Variants in CARMIL1 observed in about 807,000 individuals in gnomAD.
CARMIL1 encodes the protein F-actin-uncapping protein LRRC16A.
In CARMIL1, 90 loss-of-function variants were observed where a neutral mutation model predicts 177.1. The observed-to-expected ratio is 0.51, with a 90% CI of 0.43 to 0.61. The LOEUF is 0.61. Among genes scored for constraint, CARMIL1 ranks in the 20% least tolerant of loss-of-function variants. CARMIL1 has a pLI of 0.00. For missense variants in CARMIL1, 1,380 were observed against 1,667.0 expected (o/e 0.83, Z 3.00); for synonymous variants, 577 against 606.2 (o/e 0.95, Z 0.71).
chr6:25,589,681 C>G (rs1814117933), intron 31 of CARMIL1, among the ~76,000 whole-genome samples: 1 of 152,060 alleles, frequency 6.6e-6, no homozygotes, highest in Non-Finnish European at 1.5e-5. Flanking sequence ...AGAGACAGGG[C>G]TTTGCCATGT....
intron 2 of CARMIL1, among the ~76,000 whole-genome samples, chr6:25,317,207 T>C (rs578007810): frequency 6.6e-5 from 10 of 152,318 alleles, no homozygotes; most frequent in African/African-American, 2.4e-4. Flanking sequence ...TATGGCTTAC[T>C]GCAGCCTTGA....
chr6:25,561,031 T>A (rs1010015944), intron 29 of CARMIL1, among the ~76,000 whole-genome samples: 2 of 152,230 alleles, frequency 1.3e-5, no homozygotes, highest in Non-Finnish European at 2.9e-5. Context: ...AGTTTTCCTA[T>A]ATGCTTCTTA....
chr6:25,324,490 T>A (rs958159993), intron 2 of CARMIL1, among the ~76,000 whole-genome samples: 2 of 152,180 alleles, frequency 1.3e-5, no homozygotes, highest in African/African-American at 4.8e-5. Flanking sequence ...AGCAAATTTT[T>A]ACAGAATGCT....
intron 9 of CARMIL1, among the ~76,000 whole-genome samples, chr6:25,466,848 A>G (rs536656586): frequency 1.7e-4 from 26 of 152,342 alleles, no homozygotes; most frequent in East Asian, 9.6e-4. Flanking sequence ...TTAAGAGCCA[A>G]TATGGTAGAG....
intron 5 of CARMIL1, among the ~76,000 whole-genome samples, chr6:25,436,672 C>A (rs988415342): frequency 3.3e-5 from 5 of 152,218 alleles, no homozygotes; most frequent in African/African-American, 1.2e-4. Context: ...AGGGCTCTCT[C>A]CCTTCCCCCC....
intron 36 of CARMIL1, among the ~76,000 whole-genome samples, chr6:25,614,382 G>A (rs1816739212): frequency 6.6e-6 from 1 of 152,164 alleles, no homozygotes; most frequent in South Asian, 2.1e-4. Flanking sequence ...CTTTTATAGA[G>A]TATCCTATGT....
chr6:25,515,960 T>C lies in CARMIL1; in HGVS notation c.1805+113T>C. 1 of 1,037,272 alleles carries C rather than the reference T, an allele frequency of 9.6e-7. No individual in the cohort carries two copies. The highest frequency in any genetic ancestry group is 1.4e-6 in the Non-Finnish European group (1 of 734,010). 64.3% of individuals were successfully genotyped at this position (1,037,272 alleles called of 1,614,324 possible). ...GACCTGGGCTTCCCATGAGGCCATC[T>C]TGAGGAGAAGAGGTGACAATGTCAA... On this transcript the variant is annotated intron_variant, in intron 21 of 36. Transcript: ENST00000329474. The surrounding 1 kb of genome is among the most constrained non-coding windows in gnomAD (Gnocchi z 5.0).
At chr6:25,494,926 A>C (rs1230370007) in intron 15 of CARMIL1, among the ~76,000 whole-genome samples, 185 bp from the exon 16 acceptor site, 1 of 152,202 alleles carries the variant, frequency 6.6e-6, no homozygotes, top group Admixed American at 6.5e-5. Context: ...TCTTTACCTC[A>C]CTTATGTGGT....
intron 2 of CARMIL1, among the ~76,000 whole-genome samples, chr6:25,332,537 A>C (rs1785734681): frequency 6.6e-6 from 1 of 152,156 alleles, no homozygotes. Context: ...GACGATTCCC[A>C]GGTTTTGATT....
chr6:25,331,720 A>T (rs1326469620), intron 2 of CARMIL1, among the ~76,000 whole-genome samples: 1 of 152,094 alleles, frequency 6.6e-6, no homozygotes, highest in Non-Finnish European at 1.5e-5. Context: ...GGACCCCATT[A>T]TTCTACACTC....
chr6:25,509,578 C>A lies in CARMIL1; in HGVS notation c.1396-78C>A. 1.1e-6 allele frequency: 1 copy of A among 890,352 alleles called. No individual in the cohort carries two copies. Among genetic ancestry groups the A allele is most frequent in the Non-Finnish European group, 1.8e-6 (1 of 558,924 alleles). The allele number at this position is 890,352 out of a possible 1,614,324, so 55.2% of individuals were successfully genotyped here. A position where few individuals can be genotyped will look rare whatever the true frequency, so the allele number is the denominator to read the frequency against. On this transcript the variant is annotated intron_variant, in intron 17 of 36. Coordinates refer to ENST00000329474, the MANE Select transcript of CARMIL1 (RefSeq NM_017640.6). This position sits in a 1 kb window ranked among gnomAD's most constrained non-coding sequence, Gnocchi z 4.1. ...CTAAGTTTATTTTAAGACTGACTGT[C>A]TCTCCTATTTTTAATTTTTTGATTA...
intron 32 of CARMIL1, among the ~76,000 whole-genome samples, chr6:25,596,580 T>C (rs1582476766): frequency 1.3e-5 from 2 of 152,322 alleles, no homozygotes; most frequent in South Asian, 2.1e-4. Context: ...TAGATAGTAC[T>C]GTAACCGCTA....
chr6:25,418,866 T>C (rs7752195), intron 2 of CARMIL1, among the ~76,000 whole-genome samples: 141,556 of 152,300 alleles, frequency 0.93, 65,864 homozygotes, highest in East Asian at 1. Flanking sequence ...CTCACCCGCT[T>C]TTATCACACT....
chr6:25,573,642 T>A (rs978643791), intron 29 of CARMIL1, among the ~76,000 whole-genome samples: 2 of 151,564 alleles, frequency 1.3e-5, no homozygotes, highest in African/African-American at 4.8e-5. Context: ...TTTTGCTTAG[T>A]GGTAAAACCC....
chr6:25,364,755 G>T (rs1359987039), intron 2 of CARMIL1, among the ~76,000 whole-genome samples: 1 of 152,226 alleles, frequency 6.6e-6, no homozygotes, highest in East Asian at 1.9e-4. Flanking sequence ...AGTAGAGATG[G>T]GGTTTCGCCA....
At position 25,510,573 on chromosome 6, in the gene CARMIL1, C is replaced by T. The variant is rs755821714; in HGVS notation, c.1544C>T (p.Ala515Val). The T allele has an allele frequency of 4.5e-6, 7 of 1,554,844 alleles. No homozygotes were observed. Among genetic ancestry groups the T allele is most frequent in the African/African-American group, 2.7e-5 (2 of 73,178 alleles). ...AAAAACAGATCAATACAACACCTGG[C>T]GTTAGGCAAAAATTTTAATAATATG... ...LSKNRSIQHL[A>V]LGKNFNNMKS... is the part of the protein sequence containing the mutation. Residue 515 changes from alanine to valine, a missense_variant, in exon 19 of 37, where the codon GCG (alanine) becomes GTG (valine). Physicochemically the swap from Ala to Val is moderately conservative, Grantham distance 64. Transcript: ENST00000329474.
chr6:25,357,015 G>T (rs185568618), intron 2 of CARMIL1, among the ~76,000 whole-genome samples: 2 of 151,412 alleles, frequency 1.3e-5, no homozygotes, highest in African/African-American at 4.8e-5. Context: ...GCTACTTTTA[G>T]TGGGGTTAAC....
chr6:25,377,964 T>A (rs1791157626), intron 2 of CARMIL1, among the ~76,000 whole-genome samples: 1 of 152,136 alleles, frequency 6.6e-6, no homozygotes, highest in Non-Finnish European at 1.5e-5. Context: ...GAAAAGTTTC[T>A]GTTCTTTTTA....
At chr6:25,610,744 C>G (rs1402582857) in intron 36 of CARMIL1, among the ~76,000 whole-genome samples, 2 of 152,208 alleles carry the variant, frequency 1.3e-5, no homozygotes, top group African/African-American at 2.4e-5. Flanking sequence ...GAGGTAGAAG[C>G]ACAGCAAGCT....
Sources: allele counts gnomAD v4.1 joint callset (sites outside exome capture counted in the v4.1 genomes callset), GRCh38; gene constraint gnomAD v4.1.1; non-coding constraint Gnocchi (gnomAD v3.1); transcripts MANE v1.5; gene names NCBI Gene and HGNC (gene_info 2026-07-23, HGNC 2026-07-21).